RAI14: variants seen among roughly 807,000 people sequenced by gnomAD.
RAI14 encodes the protein ankycorbin.
Under a neutral mutation model 115.4 loss-of-function variants are expected in RAI14, and 45 were observed. The observed-to-expected ratio is 0.39, with a 90% CI of 0.31 to 0.50. The LOEUF (loss-of-function observed/expected upper bound fraction) is 0.50, where lower values mean the gene tolerates loss of function less well. Ranked by LOEUF, RAI14 falls within the 20% of genes least tolerant of loss-of-function variation. The pLI is 0.85. For synonymous variants in RAI14, 371 were observed against 415.4 expected, an observed-to-expected ratio of 0.89 and a Z score of 1.30; for missense variants, 939 against 1,131.2, an observed-to-expected ratio of 0.83 and a Z score of 2.44.
chr5:34,744,702 A>G (rs1425596152), intron 2 of RAI14, among the ~76,000 whole-genome samples: 1 of 152,220 alleles, frequency 6.6e-6, no homozygotes, highest in Non-Finnish European at 1.5e-5. Flanking sequence ...CTCATCAGTA[A>G]CATGAGGATA....
In RAI14 at chr5:34,823,633, G is replaced by A; in HGVS notation, c.1791G>A (p.Leu597=). The A allele has an allele frequency of 6.2e-7, 1 of 1,613,480 alleles. No individual in the cohort carries two copies. The highest frequency in any genetic ancestry group is 8.5e-7 in the Non-Finnish European group (1 of 1,179,876). The change falls in exon 15 of 18, where the codon TTG becomes TTA. Residue 597 remains leucine, a synonymous_variant. Coordinates refer to ENST00000265109, the MANE Select transcript of RAI14 (RefSeq NM_015577.3). The surrounding 1 kb of genome is among the most constrained non-coding windows in gnomAD (Gnocchi z 4.5). ...IENMNKEKAF[L]FEKYQEAQEE... ...ATATGAATAAGGAGAAAGCATTTTTGTTTGAGAAATACCAAGAAGCCCAAG... is the reference window on the plus strand; with the variant it reads ...ATATGAATAAGGAGAAAGCATTTTTATTTGAGAAATACCAAGAAGCCCAAG...
rs464728 is a variant in RAI14 at position 34,764,539 on chromosome 5, C to T, written c.167+6941C>T. Among the ~76,000 whole-genome samples, 106 of 44,280 alleles carry T rather than the reference C, an allele frequency of 2.4e-3. No homozygotes were observed. In the African/African-American group the frequency reaches 0.031, roughly 13 times the overall value. 29.0% of individuals were successfully genotyped at this position (44,280 alleles called of 152,430 possible). A position where few individuals can be genotyped will look rare whatever the true frequency, so the allele number is the denominator to read the frequency against. Reference sequence around the variant, plus strand: ...GGCCCAGGAAGCACAGGTGAATTTTCTCTCTCTCTCTCTCTCTCTCTCTCT... The same window carrying T: ...GGCCCAGGAAGCACAGGTGAATTTTTTCTCTCTCTCTCTCTCTCTCTCTCT... On this transcript the variant is annotated intron_variant, in intron 3 of 17. Transcript: ENST00000265109.
At chr5:34,680,268 A>G (rs2149871187) in intron 1 of RAI14, among the ~76,000 whole-genome samples, 1 of 152,252 alleles carries the variant, frequency 6.6e-6, no homozygotes, top group African/African-American at 2.4e-5. Context: ...AGACTGGGTA[A>G]TTTACAGAGA....
chr5:34,808,180 T>G (rs1216852020), intron 6 of RAI14, among the ~76,000 whole-genome samples: 1 of 152,256 alleles, frequency 6.6e-6, no homozygotes, highest in African/African-American at 2.4e-5. Context: ...CTTTTTGATT[T>G]GAGGATTATT....
intron 14 of RAI14, among the ~76,000 whole-genome samples, chr5:34,822,525 TC>T (rs1756967412): frequency 6.6e-6 from 1 of 151,618 alleles, no homozygotes; most frequent in Non-Finnish European, 1.5e-5. Context: ...GTGTCATTAG[TC>T]CCACTCATGT....
chr5:34,753,420 A>G (rs1244954622), intron 2 of RAI14, among the ~76,000 whole-genome samples: 1 of 152,154 alleles, frequency 6.6e-6, no homozygotes, highest in Non-Finnish European at 1.5e-5. Context: ...AGAATGACTC[A>G]AAGTGCTTAT....
intron 2 of RAI14, among the ~76,000 whole-genome samples, chr5:34,692,728 G>T (rs138937540): frequency 1.3e-5 from 2 of 152,102 alleles, no homozygotes; most frequent in East Asian, 3.9e-4. Context: ...GCCGTGCTAC[G>T]TGTTTTCTAG....
At chr5:34,667,697 C>T (rs540733514) in intron 1 of RAI14, among the ~76,000 whole-genome samples, 1 of 152,252 alleles carries the variant, frequency 6.6e-6, no homozygotes, top group South Asian at 2.1e-4. Flanking sequence ...GTGCAGAAGA[C>T]TTGTATAGAC....
At chr5:34,782,486 C>T (rs893070061) in intron 3 of RAI14, among the ~76,000 whole-genome samples, 4 of 152,214 alleles carry the variant, frequency 2.6e-5, no homozygotes, top group Non-Finnish European at 5.9e-5. Flanking sequence ...CCTTCAAGCA[C>T]TCCAGTTCCT....
At chr5:34,722,520 G>A (rs1742897800) in intron 2 of RAI14, among the ~76,000 whole-genome samples, 1 of 151,906 alleles carries the variant, frequency 6.6e-6, no homozygotes, top group African/African-American at 2.4e-5. Context: ...GTAAAGCATT[G>A]TTGTGTGATG....
At chr5:34,792,076 TG>T (rs776290068) in intron 3 of RAI14, among the ~76,000 whole-genome samples, 1 of 152,162 alleles carries the variant, frequency 6.6e-6, no homozygotes, top group Non-Finnish European at 1.5e-5. Context: ...TCACAGACTG[TG>T]TTTCCTGGCT....
chr5:34,682,227 CT>C (rs1744440453), intron 1 of RAI14, among the ~76,000 whole-genome samples: 1 of 151,444 alleles, frequency 6.6e-6, no homozygotes, highest in African/African-American at 2.5e-5. Context: ...AAAAAAACAG[CT>C]TTGTTGAGAT....
chr5:34,824,461 T>C lies in RAI14; in HGVS notation c.2619T>C (p.Ser873=), dbSNP rs114639306. 9.5e-4 allele frequency: 1,509 copies of C among 1,583,614 alleles called. 11 individuals are homozygous for C. In the African/African-American group the frequency reaches 0.019, roughly 20 times the overall value. The change falls in exon 15 of 18, where the codon TCT becomes TCC. Residue 873 remains serine, a synonymous_variant. Transcript: ENST00000265109. ...LAEMKRYAES[S]SKLEEDKDKK... is the part of the protein sequence containing the mutation. ...AAATGAAAAGATACGCTGAGAGCTCTTCAAAACTGGAGGAAGATAAAGATA... is the reference window on the plus strand; with the variant it reads ...AAATGAAAAGATACGCTGAGAGCTCCTCAAAACTGGAGGAAGATAAAGATA...
intron 4 of RAI14, 49 bp downstream of exon 4, chr5:34,796,076 T>C (rs764204389): frequency 7.0e-7 from 1 of 1,419,020 alleles, no homozygotes; most frequent in Non-Finnish European, 9.9e-7. Flanking sequence ...CCAGATTAGG[T>C]ATCAAAAAGT....
At chr5:34,830,140 G>A (rs116675026) in intron 17 of RAI14, among the ~76,000 whole-genome samples, 313 of 152,130 alleles carry the variant, frequency 2.1e-3, no homozygotes, top group African/African-American at 7.2e-3. Context: ...ACCCACCACC[G>A]TACCTGGCAA....
intron 2 of RAI14, among the ~76,000 whole-genome samples, chr5:34,729,216 G>A (rs1743868105): frequency 6.6e-6 from 1 of 151,950 alleles, no homozygotes; most frequent in South Asian, 2.1e-4. Flanking sequence ...AGGGGTAGTG[G>A]CACACACCTG....
chr5:34,677,253 C>T, intron 1 of RAI14, among the ~76,000 whole-genome samples: 1 of 144,032 alleles, frequency 6.9e-6, no homozygotes, highest in Non-Finnish European at 1.5e-5. Context: ...CAACCTTTGT[C>T]TCCTGGCTTC....
chr5:34,744,727 A>T (rs140274080), intron 2 of RAI14, among the ~76,000 whole-genome samples: 283 of 152,362 alleles, frequency 1.9e-3, no homozygotes, highest in African/African-American at 6.7e-3. Flanking sequence ...TATCTGCCTC[A>T]GGATGGTCTA....
intron 2 of RAI14, among the ~76,000 whole-genome samples, chr5:34,756,573 C>G (rs566902456): frequency 6.6e-6 from 1 of 152,216 alleles, no homozygotes; most frequent in South Asian, 2.1e-4. Flanking sequence ...TTCCTTCCTC[C>G]CCTCTTTCCC....
Sources: allele counts gnomAD v4.1 joint callset (sites outside exome capture counted in the v4.1 genomes callset), GRCh38; gene constraint gnomAD v4.1.1; non-coding constraint Gnocchi (gnomAD v3.1); transcripts MANE v1.5; gene names NCBI Gene and HGNC (gene_info 2026-07-23, HGNC 2026-07-21).